PCSK2: variants seen among roughly 807,000 people sequenced by gnomAD.
PCSK2 encodes the protein neuroendocrine convertase 2.
Under a neutral mutation model 69.7 loss-of-function variants are expected in PCSK2, and 14 were observed. The ratio of observed to expected loss-of-function variants is 0.20; its 90% CI spans 0.13 to 0.31. PCSK2 has a LOEUF of 0.31. PCSK2 is among the 10% of genes least tolerant of loss of function. The probability of loss-of-function intolerance (pLI) is 1.00; values close to 1 mark genes in which losing one functional copy is unlikely to be tolerated. For missense variants in PCSK2, 544 were observed against 842.5 expected (o/e 0.65, Z 4.39); for synonymous variants, 307 against 320.7 (o/e 0.96, Z 0.46).
chr20:17,345,725 A>G (rs1340777295), intron 2 of PCSK2, among the ~76,000 whole-genome samples: 1 of 152,170 alleles, frequency 6.6e-6, no homozygotes, highest in African/African-American at 2.4e-5. Context: ...CTTACTTGAA[A>G]TTCGGTGCTC....
chr20:17,263,583 T>A (rs1987476822), intron 2 of PCSK2, among the ~76,000 whole-genome samples: 1 of 152,240 alleles, frequency 6.6e-6, no homozygotes, highest in Admixed American at 6.5e-5. Flanking sequence ...CATTTTATAT[T>A]TTCCTCCGTA....
chr20:17,451,682 G>C, intron 8 of PCSK2, among the ~76,000 whole-genome samples: 1 of 152,146 alleles, frequency 6.6e-6, no homozygotes, highest in East Asian at 1.9e-4. Context: ...GGATGGGGCT[G>C]CAAAGGCATA....
chr20:17,465,342 C>A lies in PCSK2; in HGVS notation c.1219C>A (p.Arg407=), dbSNP rs138900084. 6.5e-5 allele frequency: 105 copies of A among 1,613,776 alleles called. No individual in the cohort carries two copies. Among genetic ancestry groups the A allele is most frequent in the Middle Eastern group, 1.6e-4 (1 of 6,082 alleles). ...ALEANLGLTW[R]DMQHLTVLTS... ...TGTATCCAGCCTGGGTCTGACCTGG[C>A]GGGACATGCAGCATCTGACTGTGCT... Residue 407 remains arginine (R), a synonymous_variant, in exon 11 of 12, where the codon CGG becomes AGG. Coordinates refer to ENST00000262545, the MANE Select transcript of PCSK2 (RefSeq NM_002594.5).
At chr20:17,420,762 T>C (rs1321739623) in intron 6 of PCSK2, among the ~76,000 whole-genome samples, 1 of 152,192 alleles carries the variant, frequency 6.6e-6, no homozygotes, top group Non-Finnish European at 1.5e-5. Flanking sequence ...TGTAATATTA[T>C]GTTAATTGCT....
At chr20:17,235,912 A>G (rs906270765) in intron 1 of PCSK2, among the ~76,000 whole-genome samples, 17 of 152,142 alleles carry the variant, frequency 1.1e-4, no homozygotes, top group African/African-American at 4.1e-4. Flanking sequence ...AATCAAATTA[A>G]ATCACGAGAT....
At chr20:17,374,280 T>A (rs1216212599) in intron 5 of PCSK2, among the ~76,000 whole-genome samples, 1 of 152,128 alleles carries the variant, frequency 6.6e-6, no homozygotes, top group African/African-American at 2.4e-5. Flanking sequence ...AGGTTCGTTG[T>A]CTCTTTACTC....
At chr20:17,352,819 C>A (rs569800521) in intron 2 of PCSK2, among the ~76,000 whole-genome samples, 1 of 152,118 alleles carries the variant, frequency 6.6e-6, no homozygotes, top group East Asian at 1.9e-4. Context: ...ACTCCAAAAG[C>A]AATCACAACA....
intron 9 of PCSK2, among the ~76,000 whole-genome samples, chr20:17,454,198 T>G (rs903208929): frequency 2.6e-5 from 4 of 152,348 alleles, no homozygotes; most frequent in Middle Eastern, 3.4e-3. Context: ...TTTCCATAGA[T>G]TTTCTTGTTT....
chr20:17,251,765 T>C (rs756157361), intron 1 of PCSK2, among the ~76,000 whole-genome samples: 20 of 152,208 alleles, frequency 1.3e-4, no homozygotes, highest in Non-Finnish European at 2.2e-4. Context: ...GAATTTGTAA[T>C]CCAGGCAGGG....
chr20:17,335,178 G>T lies in PCSK2; in HGVS notation c.283-23149G>T, dbSNP rs1206169244. Among the ~76,000 whole-genome samples the T allele has an allele frequency of 1.7e-5, 2 of 115,210 alleles. 1 individual carries two copies. The highest frequency in any genetic ancestry group is 3.8e-5 in the Non-Finnish European group (2 of 52,712). The allele number at this position is 115,210 out of a possible 152,430, so 75.6% of individuals were successfully genotyped here. On this transcript the variant is annotated intron_variant, in intron 2 of 11. Transcript: ENST00000262545. Reference sequence around the variant, plus strand: ...TTGGGATGCCATATACTTGCAGTCAGACGGCAGCGGAGATTGGGGGGGTTG... The same window carrying T: ...TTGGGATGCCATATACTTGCAGTCATACGGCAGCGGAGATTGGGGGGGTTG...
Position 17,227,441 on chromosome 20 carries a change from G to T in PCSK2, c.136G>T (p.Ala46Ser), listed in dbSNP as rs946342827. Residue 46 changes from alanine (A) to serine (S), a missense_variant, in exon 1 of 12, where the codon GCT (alanine) becomes TCT (serine). This residue lies in a region of PCSK2 where 157 missense variants were observed against 155.0 expected (regional missense o/e 1.01). Transcript: ENST00000262545. ...VELHKGGEDK[A>S]RQVAAEHGFG... ...GTTGCATAAAGGGGGAGAGGACAAA[G>T]CTCGCCAAGTTGCAGCAGAACACGG... is the stretch of plus-strand genomic sequence containing the variant. The T allele has an allele frequency of 1.4e-5, 22 of 1,613,920 alleles. No individual in the cohort carries two copies. Among genetic ancestry groups the T allele is most frequent in the Non-Finnish European group, 1.8e-5 (21 of 1,179,974 alleles).
At chr20:17,477,329 TTTTA>T (rs150620273) in intron 11 of PCSK2, among the ~76,000 whole-genome samples, 7 of 150,510 alleles carry the variant, frequency 4.7e-5, no homozygotes, top group African/African-American at 4.9e-5. Flanking sequence ...TTTTATTTTA[TTTTA>T]TTTATTTATT....
intron 7 of PCSK2, among the ~76,000 whole-genome samples, chr20:17,433,494 C>A (rs1380221474): frequency 6.6e-6 from 1 of 152,220 alleles, no homozygotes; most frequent in Non-Finnish European, 1.5e-5. Context: ...CAGGGACAGG[C>A]ACACCTTGTG....
intron 7 of PCSK2, among the ~76,000 whole-genome samples, chr20:17,434,675 G>A (rs1200563547): frequency 6.6e-6 from 1 of 152,206 alleles, no homozygotes; most frequent in Admixed American, 6.5e-5. Context: ...AAAATCCAGG[G>A]CTGGCATTCG....
At chr20:17,298,108 A>G (rs1214963361) in intron 2 of PCSK2, among the ~76,000 whole-genome samples, 1 of 152,192 alleles carries the variant, frequency 6.6e-6, no homozygotes, top group Non-Finnish European at 1.5e-5. Flanking sequence ...CATAAAATAT[A>G]AACATATTTT....
At chr20:17,288,180 T>C (rs1410576141) in intron 2 of PCSK2, among the ~76,000 whole-genome samples, 2 of 152,186 alleles carry the variant, frequency 1.3e-5, no homozygotes, top group Non-Finnish European at 2.9e-5. Flanking sequence ...TCCCTTCTCA[T>C]GGAGGATGAC....
chr20:17,436,830 G>T lies in PCSK2; in HGVS notation c.832G>T (p.Val278Leu), dbSNP rs746752007. The change falls in exon 8 of 12, where the codon GTG becomes TTG. Residue 278 changes from valine to leucine, a missense_variant. Physicochemically the swap from Val to Leu is conservative, Grantham distance 32. Around this residue, in one of 3 missense-constraint regions of PCSK2, gnomAD observed 187 missense variants for 399.8 expected, o/e 0.47. Coordinates refer to ENST00000262545, the MANE Select transcript of PCSK2 (RefSeq NM_002594.5). ...GGGCCCCACAGACAACGGCAAGACAGTGGATGGGCCCCGGGAGCTCACGCT... is the reference window on the plus strand; with the variant it reads ...GGGCCCCACAGACAACGGCAAGACATTGGATGGGCCCCGGGAGCTCACGCT... ...SWGPTDNGKTVDGPRELTLQA... is the reference protein window; with the variant it reads ...SWGPTDNGKTLDGPRELTLQA... The T allele has an allele frequency of 6.2e-7, 1 of 1,613,988 alleles. No individual in the cohort carries two copies. The highest frequency in any genetic ancestry group is 8.5e-7 in the Non-Finnish European group (1 of 1,180,034).
intron 2 of PCSK2, among the ~76,000 whole-genome samples, chr20:17,270,076 A>G (rs1987801393): frequency 6.6e-6 from 1 of 152,158 alleles, no homozygotes; most frequent in Non-Finnish European, 1.5e-5. Context: ...AGGAGACTAT[A>G]AAGTTCCTTA....
At chr20:17,303,455 TTA>T (rs1395311085) in intron 2 of PCSK2, among the ~76,000 whole-genome samples, 1 of 58,682 alleles carries the variant, frequency 1.7e-5, no homozygotes, top group South Asian at 3.9e-4. Flanking sequence ...ATATATTATA[TTA>T]AATATAATAT....
Sources: gnomAD v4.1 joint callset for allele counts (sites outside exome capture counted in the v4.1 genomes callset) on GRCh38, gnomAD v4.1.1 for gene constraint, gnomAD v4.1.1 regional missense constraint, MANE v1.5 for transcripts, NCBI Gene and HGNC (gene_info 2026-07-23, HGNC 2026-07-21) for gene names.